GEM: variants seen among roughly 807,000 people sequenced by gnomAD.
GEM encodes the protein GTP binding protein overexpressed in skeletal muscle.
In GEM, 31 loss-of-function variants were observed where a neutral mutation model predicts 33.0. That is an observed-to-expected ratio of 0.94 (90% CI 0.71 to 1.27). GEM has a LOEUF of 1.27. Ranked by LOEUF, GEM falls within the 50% of genes most tolerant of loss-of-function variation. GEM has a pLI of 0.00. For synonymous variants in GEM, 141 were observed against 143.7 expected (o/e 0.98, Z 0.13); for missense variants, 354 against 390.5 (o/e 0.91, Z 0.79).
chr8:94,259,209 G>T (rs892602258), intron 2 of GEM, among the ~76,000 whole-genome samples: 1 of 152,316 alleles, frequency 6.6e-6, no homozygotes, highest in South Asian at 2.1e-4. Context: ...ACCTCCAGAT[G>T]AGATGGGCTG....
chr8:94,251,200 T>C (rs1416382118), intron 4 of GEM, among the ~76,000 whole-genome samples: 1 of 152,156 alleles, frequency 6.6e-6, no homozygotes, highest in Non-Finnish European at 1.5e-5. Flanking sequence ...TGGGAAAAAA[T>C]TGAGAATTTT....
chr8:94,258,827 G>A (rs888472338), intron 2 of GEM, among the ~76,000 whole-genome samples: 2 of 152,198 alleles, frequency 1.3e-5, no homozygotes, highest in Non-Finnish European at 2.9e-5. Context: ...CTTATTGGGT[G>A]ATTCTGGATA....
At chr8:94,259,062 C>G (rs1808959621) in intron 2 of GEM, among the ~76,000 whole-genome samples, 1 of 152,190 alleles carries the variant, frequency 6.6e-6, no homozygotes, top group African/African-American at 2.4e-5. Context: ...CCCTATTTCT[C>G]CCTTTACTCT....
intron 2 of GEM, among the ~76,000 whole-genome samples, chr8:94,257,477 G>A (rs574191544): frequency 3.8e-4 from 58 of 152,236 alleles, no homozygotes; most frequent in Admixed American, 7.2e-4. Context: ...CCACCATGCC[G>A]GGCCAACCAT....
intron 4 of GEM, among the ~76,000 whole-genome samples, chr8:94,251,507 C>T (rs555376795): frequency 6.6e-6 from 1 of 152,260 alleles, no homozygotes; most frequent in African/African-American, 2.4e-5. Context: ...CTTGGCTGCC[C>T]ACTCAGCAGA....
At chr8:94,253,449 T>C (rs375073981) in intron 2 of GEM, among the ~76,000 whole-genome samples, 2 of 152,202 alleles carry the variant, frequency 1.3e-5, no homozygotes, top group East Asian at 1.9e-4. Flanking sequence ...TTGACTCAGA[T>C]TCAATGGTTA....
intron 2 of GEM, among the ~76,000 whole-genome samples, chr8:94,257,474 G>T (rs1219315727): frequency 6.6e-6 from 1 of 152,190 alleles, no homozygotes; most frequent in Non-Finnish European, 1.5e-5. Flanking sequence ...GAGCCACCAT[G>T]CCGGGCCAAC....
chr8:94,259,911 T>A (rs1345679399), intron 2 of GEM: 1 of 409,174 alleles, frequency 2.4e-6, no homozygotes, highest in Non-Finnish European at 4.4e-6. Context: ...TAATCAGCCT[T>A]CCCCAACCCA....
intron 2 of GEM, 184 bp downstream of exon 2, chr8:94,259,989 G>T (rs946555572): frequency 1.8e-6 from 1 of 543,844 alleles, no homozygotes; most frequent in African/African-American, 1.9e-5. Flanking sequence ...CTGTCTACAA[G>T]CATTTTCATT....
rs766195976 is a variant in GEM at position 94,260,358 on chromosome 8, G to A, written c.146C>T (p.Thr49Ile). The A allele has an allele frequency of 3.1e-6, 5 of 1,614,224 alleles. No individual in the cohort carries two copies. In the South Asian group the frequency reaches 4.4e-5, roughly 14 times the overall value. The change falls in exon 2 of 5, where the codon ACC becomes ATC. Residue 49 changes from threonine to isoleucine, a missense_variant. Transcript: ENST00000297596. The stretch of plus-strand genomic sequence containing the variant: ...GCTTCGGCGGCAGTGGTCCTCAGGG[G>A]TAGCAGAATGGCGGTTGCGGTGGCT... ...QYSHRNRHSA[T>I]PEDHCRRSWS...
intron 3 of GEM, among the ~76,000 whole-genome samples, chr8:94,252,779 A>G (rs1808807168): frequency 6.6e-6 from 1 of 152,238 alleles, no homozygotes; most frequent in African/African-American, 2.4e-5. Flanking sequence ...TATTTTCCCT[A>G]AAACAAATAA....
rs552011940 is a variant in GEM at position 94,250,210 on chromosome 8, G to A, written c.*100C>T. On this transcript the variant is annotated 3_prime_UTR_variant, in exon 5 of 5. Transcript: ENST00000297596. ...ACGCTAGCTCCCTGCTACAATGGGG[G>A]AAACCACATCTAACTTAAGTATTCA... 2.5e-5 allele frequency: 24 copies of A among 977,440 alleles called. No individual in the cohort carries two copies. In the East Asian group the frequency reaches 5.4e-4, roughly 22 times the overall value. 60.5% of individuals were successfully genotyped at this position (977,440 alleles called of 1,614,324 possible). A position where few individuals can be genotyped will look rare whatever the true frequency, so the allele number is the denominator to read the frequency against.
intron 2 of GEM, among the ~76,000 whole-genome samples, chr8:94,253,337 A>G (rs1483309307): frequency 6.6e-6 from 1 of 152,226 alleles, no homozygotes; most frequent in African/African-American, 2.4e-5. Flanking sequence ...TCTCTCGAAC[A>G]TGTGTCACTA....
chr8:94,258,101 T>TCA (rs371418493), intron 2 of GEM, among the ~76,000 whole-genome samples: 48 of 151,988 alleles, frequency 3.2e-4, no homozygotes, highest in African/African-American at 1.1e-3. Flanking sequence ...TCTCTCTCTC[T>TCA]CAACAAAGAA....
rs1808986605 is a variant in GEM, at chr8:94,260,281, A to G, written c.223T>C (p.Tyr75His). 2 of 1,613,856 alleles carry G rather than the reference A, an allele frequency of 1.2e-6. No homozygotes were observed. The highest frequency in any genetic ancestry group is 1.7e-6 in the Non-Finnish European group (2 of 1,179,684). ...TCCCCTATGAGCACCACTCGGTAGT[A>G]GGTGTTCCCTGACTCAGAGGAGATG... The part of the protein sequence containing the change: ...SVISSESGNT[Y>H]YRVVLIGEQG... Residue 75 changes from tyrosine (Y) to histidine (H), a missense_variant, in exon 2 of 5, where the codon TAC (tyrosine) becomes CAC (histidine). By Grantham distance (83) the Tyr-to-His change is moderately conservative (BLOSUM62 2). Transcript: ENST00000297596.
intron 4 of GEM, among the ~76,000 whole-genome samples, chr8:94,250,998 C>T (rs879832759): frequency 6.6e-6 from 1 of 152,022 alleles, no homozygotes; most frequent in Non-Finnish European, 1.5e-5. Context: ...ATGAAGAAAC[C>T]GAGGGGAGTC....
At chr8:94,253,380 C>T (rs966529288) in intron 2 of GEM, among the ~76,000 whole-genome samples, 1 of 152,218 alleles carries the variant, frequency 6.6e-6, no homozygotes, top group Admixed American at 6.5e-5. Flanking sequence ...TTGTTTGCAT[C>T]ATTCCTGGAC....
At chr8:94,251,147 T>G (rs1267051026) in intron 4 of GEM, among the ~76,000 whole-genome samples, 1 of 152,176 alleles carries the variant, frequency 6.6e-6, no homozygotes, top group Non-Finnish European at 1.5e-5. Context: ...AGCTTTCCTC[T>G]CTTTTAAAAT....
Position 94,250,333 on chromosome 8 carries a change from A to G in GEM, c.868T>C (p.Cys290Arg). The change falls in exon 5 of 5, where the codon TGC (cysteine) becomes CGC (arginine). Residue 290 changes from cysteine (C) to arginine (R), a missense_variant. Physicochemically the swap from Cys to Arg is radical, Grantham distance 180. Coordinates refer to ENST00000297596, the MANE Select transcript of GEM (RefSeq NM_005261.4). ...NMAFKLKSKS[C>R]HDLSVL is the part of the protein sequence containing the mutation. Reference sequence around the variant, plus strand: ...TCCTAGAGTACAGAGAGGTCATGGCAGGATTTGGACTTGAGCTTGAAGGCC... The same window carrying G: ...TCCTAGAGTACAGAGAGGTCATGGCGGGATTTGGACTTGAGCTTGAAGGCC... 1 of 1,613,864 alleles carries G rather than the reference A, an allele frequency of 6.2e-7. No individual in the cohort carries two copies.
Sources: allele counts gnomAD v4.1 joint callset (sites outside exome capture counted in the v4.1 genomes callset), GRCh38; gene constraint gnomAD v4.1.1; transcripts MANE v1.5; gene names NCBI Gene and HGNC (gene_info 2026-07-23, HGNC 2026-07-21).